The following OPRD1 variants were observed in gnomAD, a reference collection of about 807,000 sequenced individuals.
The protein encoded by OPRD1 is delta-type opioid receptor.
Under a neutral mutation model 17.5 loss-of-function variants are expected in OPRD1, and 19 were observed. That is an observed-to-expected ratio of 1.09 (90% CI 0.76 to 1.60). The LOEUF (loss-of-function observed/expected upper bound fraction) is 1.60. Among genes scored for constraint, OPRD1 ranks in the 40% most tolerant of loss-of-function variants. The pLI is 0.00. For synonymous variants in OPRD1, 256 were observed against 240.9 expected (o/e 1.06, Z -0.58); for missense variants, 483 against 547.2 (o/e 0.88, Z 1.17).
In OPRD1 at chr1:28,867,103, G is replaced by A. The variant is rs1487085407; in HGVS notation, c.*3820G>A. 1 of 151,928 alleles carries A rather than the reference G, an allele frequency of 6.6e-6. No homozygotes were observed. The highest frequency in any genetic ancestry group is 1.5e-5 in the Non-Finnish European group (1 of 68,018). The allele number at this position is 151,928 out of a possible 1,614,324, so 9.4% of individuals were successfully genotyped here. ...GCTCACTGCAGTCTCAAACTCCTGGGCTCAAGTGATCTTCCCACCTCAGCC... is the reference window on the plus strand; with the variant it reads ...GCTCACTGCAGTCTCAAACTCCTGGACTCAAGTGATCTTCCCACCTCAGCC... On this transcript the variant is annotated 3_prime_UTR_variant, in exon 3 of 3. Coordinates refer to ENST00000234961, the MANE Select transcript of OPRD1 (RefSeq NM_000911.4).
Position 28,863,322 on chromosome 1 carries a change from C to T in OPRD1, c.*39C>T, listed in dbSNP as rs1351746870. 1 of 1,405,730 alleles carries T rather than the reference C, an allele frequency of 7.1e-7. No homozygotes were observed. Among genetic ancestry groups the T allele is most frequent in the East Asian group, 2.8e-5 (1 of 36,068 alleles). The allele number at this position is 1,405,730 out of a possible 1,614,324, so 87.1% of individuals were successfully genotyped here. A position where few individuals can be genotyped will look rare whatever the true frequency, so the allele number is the denominator to read the frequency against. On this transcript the variant is annotated 3_prime_UTR_variant, in exon 3 of 3. Transcript: ENST00000234961. The stretch of plus-strand genomic sequence containing the variant: ...CCCCCAGAGCGCCCCTCCCTAGTGA[C>T]CCGGAGGCCACATGAGTCCCAGTGG...
chr1:28,858,971 C>T lies in OPRD1; in HGVS notation c.245C>T (p.Thr82Met), dbSNP rs1430907287. The T allele has an allele frequency of 8.7e-6, 14 of 1,610,758 alleles. No homozygotes were observed. Among genetic ancestry groups the T allele is most frequent in the African/African-American group, 6.7e-5 (5 of 74,924 alleles). Residue 82 changes from threonine (T) to methionine (M), a missense_variant, in exon 2 of 3, where the codon ACG (threonine) becomes ATG (methionine). By Grantham distance (81) the Thr-to-Met change is moderately conservative. Transcript: ENST00000234961. ...TTTCTAAGGTACACTAAGATGAAGACGGCCACCAACATCTACATCTTCAAC... is the reference window on the plus strand; with the variant it reads ...TTTCTAAGGTACACTAAGATGAAGATGGCCACCAACATCTACATCTTCAAC... ...FGIVRYTKMK[T>M]ATNIYIFNLA...
intron 1 of OPRD1, among the ~76,000 whole-genome samples, chr1:28,839,994 C>T (rs1399066356): frequency 6.6e-6 from 1 of 152,164 alleles, no homozygotes; most frequent in Non-Finnish European, 1.5e-5. Flanking sequence ...ATCAGGGCAC[C>T]CTGGCACCTG....
intron 1 of OPRD1, among the ~76,000 whole-genome samples, chr1:28,822,063 T>C (rs1212124793): frequency 2.0e-5 from 3 of 151,790 alleles, no homozygotes; most frequent in Non-Finnish European, 4.4e-5. Context: ...GCGATTCTCC[T>C]GCCTCAGCCT....
intron 1 of OPRD1, among the ~76,000 whole-genome samples, chr1:28,836,464 C>T (rs866895451): frequency 4.6e-5 from 7 of 150,552 alleles, no homozygotes; most frequent in African/African-American, 9.8e-5. Context: ...GAGCCGAGAT[C>T]GCGCCACTAC....
intron 1 of OPRD1, among the ~76,000 whole-genome samples, chr1:28,822,304 G>A (rs866998115): frequency 1.1e-4 from 16 of 152,146 alleles, no homozygotes; most frequent in African/African-American, 3.1e-4. Context: ...AAGAAGGTAC[G>A]GGCTGCTGTG....
intron 1 of OPRD1, among the ~76,000 whole-genome samples, chr1:28,824,153 TG>T (rs2088742019): frequency 7.3e-6 from 1 of 136,556 alleles, no homozygotes; most frequent in African/African-American, 2.8e-5. Context: ...CACTCCAGTC[TG>T]GGTGACAGAG....
rs1336440348 is a variant in OPRD1, at chr1:28,845,658, G to A, written c.228-13296G>A. 5.3e-5 allele frequency among the ~76,000 whole-genome samples: 8 copies of A among 152,252 alleles called. No individual in the cohort carries two copies. In the South Asian group the frequency reaches 1.5e-3, roughly 28 times the overall value. ...ACAAGAAATCATTGCCAAATCTGGT[G>A]TCATGAAGCTTTCCCACTATATTTT... On this transcript the variant is annotated intron_variant, in intron 1 of 2. Coordinates refer to ENST00000234961, the MANE Select transcript of OPRD1 (RefSeq NM_000911.4).
intron 1 of OPRD1, among the ~76,000 whole-genome samples, chr1:28,846,868 TTC>T (rs1233030637): frequency 9.8e-6 from 1 of 101,874 alleles, no homozygotes; most frequent in African/African-American, 3.2e-5. Flanking sequence ...CTTTCTTTCT[TTC>T]TTTCTTTCTT....
intron 1 of OPRD1, among the ~76,000 whole-genome samples, chr1:28,833,407 T>C (rs1040791823): frequency 3.9e-5 from 6 of 152,188 alleles, no homozygotes; most frequent in Admixed American, 2.0e-4. Context: ...AGTTGGCTTA[T>C]ACCGTTGTGG....
At chr1:28,846,052 C>A (rs1224452363) in intron 1 of OPRD1, among the ~76,000 whole-genome samples, 3 of 152,210 alleles carry the variant, frequency 2.0e-5, no homozygotes, top group African/African-American at 7.2e-5. Flanking sequence ...TGTGATTTGA[C>A]TCCTGCAGAT....
At position 28,862,802 on chromosome 1, in the gene OPRD1, C is replaced by T; in HGVS notation, c.638C>T (p.Thr213Ile). 1 of 1,613,678 alleles carries T rather than the reference C, an allele frequency of 6.2e-7. No individual in the cohort carries two copies. Among genetic ancestry groups the T allele is most frequent in the South Asian group, 1.1e-5 (1 of 91,068 alleles). The change falls in exon 3 of 3, where the codon ACC becomes ATC. Residue 213 changes from threonine (T) to isoleucine (I), a missense_variant. Physicochemically the swap from Thr to Ile is moderately conservative, Grantham distance 89. Transcript: ENST00000234961. ...CCCAGCTGGTACTGGGACACGGTGA[C>T]CAAGATCTGCGTGTTCCTCTTCGCC... ...PSPSWYWDTV[T>I]KICVFLFAFV...
intron 1 of OPRD1, among the ~76,000 whole-genome samples, chr1:28,856,796 A>G (rs1035868800): frequency 6.6e-6 from 1 of 152,196 alleles, no homozygotes; most frequent in African/African-American, 2.4e-5. Context: ...TGCTGGGTGC[A>G]GAGTTTGGCT....
At position 28,869,075 on chromosome 1, in the gene OPRD1, G is replaced by C. The variant is rs1015199936; in HGVS notation, c.*5792G>C. The C allele has an allele frequency of 1.3e-5, 2 of 152,244 alleles. No homozygotes were observed. Among genetic ancestry groups the C allele is most frequent in the African/African-American group, 4.8e-5 (2 of 41,402 alleles). The allele number at this position is 152,244 out of a possible 1,614,324, so 9.4% of individuals were successfully genotyped here. The stretch of plus-strand genomic sequence containing the variant: ...TGAAGCCGGCCCCAGCGGCCCCAAA[G>C]CCCCTAGGAAGTGACCACCCCCCAT... On this transcript the variant is annotated 3_prime_UTR_variant, in exon 3 of 3. Transcript: ENST00000234961.
At chr1:28,826,253 T>C (rs1407268758) in intron 1 of OPRD1, among the ~76,000 whole-genome samples, 1 of 152,220 alleles carries the variant, frequency 6.6e-6, no homozygotes, top group African/African-American at 2.4e-5. Context: ...CTGGGTGTGC[T>C]GACTCATGCT....
intron 1 of OPRD1, among the ~76,000 whole-genome samples, chr1:28,831,840 C>A (rs2088810869): frequency 1.3e-5 from 2 of 152,188 alleles, no homozygotes; most frequent in Non-Finnish European, 2.9e-5. Context: ...GCCTGGCTGA[C>A]CTTTTTTGGA....
At chr1:28,860,695 G>A (rs1016324529) in intron 2 of OPRD1, among the ~76,000 whole-genome samples, 9 of 152,156 alleles carry the variant, frequency 5.9e-5, no homozygotes, top group Admixed American at 2.0e-4. Context: ...GGTTTACTTA[G>A]GGTCACACAG....
Position 28,859,306 on chromosome 1 carries a change from G to A in OPRD1, c.577+3G>A. 1 of 1,606,184 alleles carries A rather than the reference G, an allele frequency of 6.2e-7. No individual in the cohort carries two copies. Among genetic ancestry groups the A allele is most frequent in the Non-Finnish European group, 8.5e-7 (1 of 1,175,554 alleles). ...CATGGCTGTGACCCGTCCCCGGGGTGAGTGAGTGAGTGCACCATGGCACAG... is the reference window on the plus strand; with the variant it reads ...CATGGCTGTGACCCGTCCCCGGGGTAAGTGAGTGAGTGCACCATGGCACAG... On this transcript the variant is annotated splice_donor_region_variant and intron_variant, in intron 2 of 2. Transcript: ENST00000234961.
In OPRD1 at chr1:28,823,509, G is replaced by T. The variant is rs923037747; in HGVS notation, c.227+10899G>T. On this transcript the variant is annotated intron_variant, in intron 1 of 2. Coordinates refer to ENST00000234961, the MANE Select transcript of OPRD1 (RefSeq NM_000911.4). Reference sequence around the variant, plus strand: ...CCTCCTGGGTTCAAGCAATTCCCCTGCCTCAGCCTCCTGAGTAGCTGGGAT... The same window carrying T: ...CCTCCTGGGTTCAAGCAATTCCCCTTCCTCAGCCTCCTGAGTAGCTGGGAT... Among the ~76,000 whole-genome samples, 244 of 152,146 alleles carry T rather than the reference G, an allele frequency of 1.6e-3. 2 individuals are homozygous for T. The highest frequency in any genetic ancestry group is 3.5e-4 in the Non-Finnish European group (24 of 67,998).
Sources: allele counts gnomAD v4.1 joint callset (sites outside exome capture counted in the v4.1 genomes callset), GRCh38; gene constraint gnomAD v4.1.1; transcripts MANE v1.5; gene names NCBI Gene and HGNC (gene_info 2026-07-23, HGNC 2026-07-21).